MBD2: variants seen among roughly 807,000 people sequenced by gnomAD.
The protein encoded by MBD2 is methyl-CpG-binding domain protein 2.
MBD2 carries 9 observed loss-of-function variants against 39.3 expected under a neutral mutation model. The observed-to-expected ratio is 0.23, with a 90% CI of 0.14 to 0.40. The LOEUF (loss-of-function observed/expected upper bound fraction) is 0.40, where lower values mean the gene tolerates loss of function less well. MBD2 is among the 10% of genes least tolerant of loss of function. The pLI, the probability that MBD2 is intolerant of heterozygous loss-of-function variation, is 1.00. For synonymous variants in MBD2, 233 were observed against 211.1 expected, an observed-to-expected ratio of 1.10 and a Z score of -0.90; for missense variants, 458 against 532.6, an observed-to-expected ratio of 0.86 and a Z score of 1.38.
intron 2 of MBD2, among the ~76,000 whole-genome samples, chr18:54,201,164 C>T (rs921060949): frequency 6.6e-6 from 1 of 152,156 alleles, no homozygotes; most frequent in Non-Finnish European, 1.5e-5. Flanking sequence ...AAAAGAGTCC[C>T]GTCATCACAG....
At chr18:54,211,707 C>G (rs1047883655) in intron 1 of MBD2, among the ~76,000 whole-genome samples, 1 of 152,146 alleles carries the variant, frequency 6.6e-6, no homozygotes, top group Non-Finnish European at 1.5e-5. Context: ...TAACTTTGCT[C>G]GTCTCTTTGC....
At chr18:54,219,686 G>A (rs1452365179) in intron 1 of MBD2, among the ~76,000 whole-genome samples, 2 of 152,124 alleles carry the variant, frequency 1.3e-5, no homozygotes, top group African/African-American at 4.8e-5. Context: ...TTTTTTGTTT[G>A]TTTGTTTTTA....
At chr18:54,185,786 A>C (rs1479054210) in intron 3 of MBD2, among the ~76,000 whole-genome samples, 2 of 152,132 alleles carry the variant, frequency 1.3e-5, no homozygotes, top group Non-Finnish European at 2.9e-5. Flanking sequence ...AAATACACTG[A>C]TGCTATATAC....
intron 1 of MBD2, among the ~76,000 whole-genome samples, chr18:54,220,834 T>C (rs747395048): frequency 2.1e-4 from 32 of 152,196 alleles, no homozygotes; most frequent in Admixed American, 3.9e-4. Flanking sequence ...TTAACTACTG[T>C]ATCACAATTA....
Position 54,188,785 on chromosome 18 carries a change from A to T in MBD2, c.840+89T>A, listed in dbSNP as rs1257226865. ...ATAATTTTCTTTCCAAATATACTCCATTTTAACCAGAATTTATTTGAATTA... is the reference window on the plus strand; with the variant it reads ...ATAATTTTCTTTCCAAATATACTCCTTTTTAACCAGAATTTATTTGAATTA... On this transcript the variant is annotated intron_variant, in intron 3 of 6. Coordinates refer to ENST00000256429, the MANE Select transcript of MBD2 (RefSeq NM_003927.5). 10 of 1,412,306 alleles carry T rather than the reference A, an allele frequency of 7.1e-6. No homozygotes were observed. The Admixed American group carries it at 1.9e-4, about 27-fold the overall frequency. The allele number at this position is 1,412,306 out of a possible 1,614,324, so 87.5% of individuals were successfully genotyped here.
At chr18:54,223,090 C>T (rs1341761077) in intron 1 of MBD2, among the ~76,000 whole-genome samples, 1 of 152,238 alleles carries the variant, frequency 6.6e-6, no homozygotes, top group Admixed American at 6.5e-5. Context: ...ATATTATCTT[C>T]TATCAATAGC....
intron 2 of MBD2, among the ~76,000 whole-genome samples, chr18:54,194,274 A>G (rs2086346689): frequency 6.6e-6 from 1 of 152,056 alleles, no homozygotes; most frequent in Non-Finnish European, 1.5e-5. Flanking sequence ...TGCACCCACC[A>G]TTACCTACAT....
chr18:54,217,046 G>A (rs1411454270), intron 1 of MBD2, among the ~76,000 whole-genome samples: 6 of 152,122 alleles, frequency 3.9e-5, no homozygotes, highest in Non-Finnish European at 5.9e-5. Context: ...TGGAGATCAC[G>A]CCACTGCACT....
chr18:54,195,932 G>C (rs1599095792), intron 2 of MBD2, among the ~76,000 whole-genome samples: 1 of 152,142 alleles, frequency 6.6e-6, no homozygotes, highest in South Asian at 2.1e-4. Flanking sequence ...GTCAAATCAA[G>C]GCTATTCTCA....
chr18:54,209,157 G>A (rs1007050022), intron 1 of MBD2, among the ~76,000 whole-genome samples: 3 of 151,958 alleles, frequency 2.0e-5, no homozygotes, highest in Admixed American at 6.6e-5. Flanking sequence ...TTAGCCCAGC[G>A]TGGCGGCGTG....
chr18:54,202,146 C>T (rs1489234879), intron 2 of MBD2, among the ~76,000 whole-genome samples: 1 of 151,936 alleles, frequency 6.6e-6, no homozygotes, highest in Non-Finnish European at 1.5e-5. Flanking sequence ...AGTTCGAGAC[C>T]AGCCTGGCCA....
At position 54,194,553 on chromosome 18, in the gene MBD2, GTGTGTATA is replaced by G. The variant is rs781563671; in HGVS notation, c.703-5550_703-5543del. On this transcript the variant is annotated intron_variant, in intron 2 of 6. Coordinates refer to ENST00000256429, the MANE Select transcript of MBD2 (RefSeq NM_003927.5). ...AATTACATATATAGAAGTTGTGTGT[GTGTGTATA>G]TATATATATATGTAGCTTAATGAAA... 5.4e-4 allele frequency among the ~76,000 whole-genome samples: 79 copies of G among 147,572 alleles called. 1 individual carries two copies. In the South Asian group the frequency reaches 0.013, roughly 25 times the overall value.
intron 3 of MBD2, among the ~76,000 whole-genome samples, chr18:54,178,650 C>A (rs1006840010): frequency 2.0e-5 from 3 of 151,914 alleles, no homozygotes; most frequent in Non-Finnish European, 2.9e-5. Context: ...AAAGAAATAA[C>A]TTCTATAAAA....
At chr18:54,178,781 C>T (rs2086229560) in intron 3 of MBD2, among the ~76,000 whole-genome samples, 1 of 152,144 alleles carries the variant, frequency 6.6e-6, no homozygotes, top group Non-Finnish European at 1.5e-5. Flanking sequence ...CCTCATTCCA[C>T]TTTTCATTTG....
intron 1 of MBD2, among the ~76,000 whole-genome samples, chr18:54,206,687 CAT>C (rs781127310): frequency 1.8e-4 from 28 of 152,336 alleles, no homozygotes; most frequent in Non-Finnish European, 3.4e-4. Context: ...TCCACAACCA[CAT>C]GACTTAAGTA....
intron 1 of MBD2, among the ~76,000 whole-genome samples, chr18:54,218,893 C>T (rs1206295097): frequency 1.3e-5 from 2 of 149,632 alleles, no homozygotes; most frequent in East Asian, 3.9e-4. Flanking sequence ...ACCCAGGAGG[C>T]GGAGGTTGCA....
intron 1 of MBD2, among the ~76,000 whole-genome samples, chr18:54,209,194 G>A (rs1250720094): frequency 4.0e-5 from 6 of 151,764 alleles, no homozygotes; most frequent in African/African-American, 7.3e-5. Context: ...TACTTGGGGA[G>A]GCTGAGGCAG....
At chr18:54,208,384 C>T (rs569293373) in intron 1 of MBD2, among the ~76,000 whole-genome samples, 1 of 152,034 alleles carries the variant, frequency 6.6e-6, no homozygotes, top group Admixed American at 6.6e-5. Flanking sequence ...CCCAGCTACT[C>T]GGGAGGCTGA....
chr18:54,224,248 A>G lies in MBD2; in HGVS notation c.312T>C (p.Leu104=). ...RGRPPSGGSG[L]GGDGGGCGGG... ...CGCCGCAGCCGCCGCCGTCGCCGCC[A>G]AGGCCGCTGCCGCCACTCGGGGGAC... Residue 104 remains leucine (L), a synonymous_variant, in exon 1 of 7, where the codon CTT becomes CTC. Transcript: ENST00000256429. 1.0e-6 allele frequency: 1 copy of G among 968,412 alleles called. No individual in the cohort carries two copies. Among genetic ancestry groups the G allele is most frequent in the South Asian group, 4.6e-5 (1 of 21,588 alleles). 60.0% of individuals were successfully genotyped at this position (968,412 alleles called of 1,614,324 possible). A position where few individuals can be genotyped will look rare whatever the true frequency, so the allele number is the denominator to read the frequency against.
Sources: allele counts gnomAD v4.1 joint callset (sites outside exome capture counted in the v4.1 genomes callset), GRCh38; gene constraint gnomAD v4.1.1; transcripts MANE v1.5; gene names NCBI Gene and HGNC (gene_info 2026-07-23, HGNC 2026-07-21).